NELL1: variants seen among roughly 807,000 people sequenced by gnomAD.
NELL1 encodes neural EGFL like 1.
Under a neutral mutation model 107.4 loss-of-function variants are expected in NELL1, and 76 were observed. The observed-to-expected ratio is 0.71, with a 90% CI of 0.59 to 0.86. The LOEUF is 0.86. NELL1 is among the 40% of genes least tolerant of loss of function. The pLI is 0.00. For missense variants in NELL1, 1,024 were observed against 1,005.5 expected (o/e 1.02, Z -0.25); for synonymous variants, 353 against 341.2 (o/e 1.03, Z -0.38).
chr11:21,129,295 C>T (rs748934004), intron 13 of NELL1, among the ~76,000 whole-genome samples: 41 of 151,742 alleles, frequency 2.7e-4, no homozygotes, highest in Admixed American at 1.5e-3. Context: ...GCACTGTTGG[C>T]GAGCACGTAA....
At chr11:21,414,965 C>G (rs1372942426) in intron 15 of NELL1, among the ~76,000 whole-genome samples, 1 of 151,934 alleles carries the variant, frequency 6.6e-6, no homozygotes, top group African/African-American at 2.4e-5. Flanking sequence ...GATGCACCCC[C>G]CTCCCTCCCA....
chr11:21,025,281 A>G (rs892758079), intron 12 of NELL1, among the ~76,000 whole-genome samples: 1 of 151,894 alleles, frequency 6.6e-6, no homozygotes, highest in Non-Finnish European at 1.5e-5. Context: ...TAGATACGAA[A>G]CTTCACTTAA....
At chr11:21,574,869 G>C in intron 19 of NELL1, 103 bp from the exon 20 acceptor site, 1 of 920,042 alleles carries the variant, frequency 1.1e-6, no homozygotes, top group Non-Finnish European at 1.7e-6. Context: ...CCTTCTTGAA[G>C]TTTGTCTCAA....
chr11:21,548,962 G>T (rs1856510467), intron 16 of NELL1, among the ~76,000 whole-genome samples: 2 of 150,728 alleles, frequency 1.3e-5, no homozygotes, highest in Non-Finnish European at 3.0e-5. Flanking sequence ...GTACTCCATG[G>T]TTTCAGGAAA....
intron 15 of NELL1, among the ~76,000 whole-genome samples, chr11:21,484,336 C>T (rs1854573941): frequency 6.6e-6 from 1 of 151,500 alleles, no homozygotes; most frequent in Non-Finnish European, 1.5e-5. Context: ...TTCTTATATG[C>T]ATCATCTTTT....
At chr11:21,465,912 C>T (rs1227680250) in intron 15 of NELL1, among the ~76,000 whole-genome samples, 1 of 152,058 alleles carries the variant, frequency 6.6e-6, no homozygotes, top group Non-Finnish European at 1.5e-5. Context: ...TCTTATGCGT[C>T]TTCAGCTGGC....
At chr11:21,568,749 C>T (rs1857029820) in intron 17 of NELL1, among the ~76,000 whole-genome samples, 1 of 151,688 alleles carries the variant, frequency 6.6e-6, no homozygotes, top group South Asian at 2.1e-4. Context: ...TCCTCCATGT[C>T]TTGTCCCACT....
intron 2 of NELL1, among the ~76,000 whole-genome samples, chr11:20,737,142 T>C (rs554310377): frequency 2.8e-4 from 42 of 152,240 alleles, no homozygotes; most frequent in African/African-American, 9.9e-4. Context: ...CCTGCTCTTA[T>C]TTTTATTATT....
intron 2 of NELL1, among the ~76,000 whole-genome samples, chr11:20,747,022 C>T (rs1856019623): frequency 6.6e-6 from 1 of 152,156 alleles, no homozygotes; most frequent in Admixed American, 6.6e-5. Context: ...GTCTGCTCCC[C>T]TTTGGCTCAC....
chr11:21,170,413 T>C (rs1215619064), intron 13 of NELL1, among the ~76,000 whole-genome samples: 2 of 151,824 alleles, frequency 1.3e-5, no homozygotes, highest in East Asian at 1.9e-4. Context: ...GAAGACATAA[T>C]TTAAAATCCA....
chr11:21,507,364 C>A (rs1855306651), intron 15 of NELL1, among the ~76,000 whole-genome samples: 1 of 152,310 alleles, frequency 6.6e-6, no homozygotes, highest in Non-Finnish European at 1.5e-5. Context: ...GCAACAAAAG[C>A]TTATTCTTTT....
At position 21,336,748 on chromosome 11, in the gene NELL1, ACTGT is replaced by A. The variant is rs369692211; in HGVS notation, c.1550-34100_1550-34097del. ...TTTGAACTCTTCTTTTTTTAGTTTT[ACTGT>A]CTGTTTTTCACTGCTGTACTCAGTT... On this transcript the variant is annotated intron_variant, in intron 14 of 19. Transcript: ENST00000357134. Among the ~76,000 whole-genome samples, 276 of 150,450 alleles carry A rather than the reference ACTGT, an allele frequency of 1.8e-3. 9 individuals carry two copies. In the South Asian group the frequency reaches 0.054, roughly 29 times the overall value.
intron 4 of NELL1, among the ~76,000 whole-genome samples, chr11:20,877,011 G>T (rs949972289): frequency 6.6e-6 from 1 of 152,186 alleles, no homozygotes; most frequent in Non-Finnish European, 1.5e-5. Context: ...GCTAAGAGGG[G>T]AAAGGGTCTG....
intron 13 of NELL1, among the ~76,000 whole-genome samples, chr11:21,155,878 G>A (rs1014146261): frequency 7.2e-5 from 11 of 152,192 alleles, no homozygotes; most frequent in African/African-American, 2.7e-4. Flanking sequence ...ACCTTTAGGT[G>A]AAGACAAGAT....
rs555637611 is a variant in NELL1, at chr11:21,169,694, A to G, written c.1426+55980A>G. Reference sequence around the variant, plus strand: ...CCATATGTACCTAATGGGACTGTAAATCATAATTCCTTGGTCATCTTTTGG... The same window carrying G: ...CCATATGTACCTAATGGGACTGTAAGTCATAATTCCTTGGTCATCTTTTGG... On this transcript the variant is annotated intron_variant, in intron 13 of 19. Transcript: ENST00000357134. The G allele has an allele frequency of 2.1e-5, 13 of 633,820 alleles. No homozygotes were observed. In the South Asian group the frequency reaches 2.7e-4, roughly 13 times the overall value. 39.3% of individuals were successfully genotyped at this position (633,820 alleles called of 1,614,324 possible).
chr11:21,550,178 T>C (rs1280100496), intron 16 of NELL1, among the ~76,000 whole-genome samples: 1 of 151,962 alleles, frequency 6.6e-6, no homozygotes, highest in Non-Finnish European at 1.5e-5. Flanking sequence ...ATCCTAGTGA[T>C]GTGACCTTGA....
chr11:21,476,257 C>T (rs1854330615), intron 15 of NELL1, among the ~76,000 whole-genome samples: 1 of 152,056 alleles, frequency 6.6e-6, no homozygotes, highest in Non-Finnish European at 1.5e-5. Context: ...TTCTCATTGT[C>T]TTTCTTAACA....
At chr11:21,408,193 T>G (rs1432394377) in intron 15 of NELL1, among the ~76,000 whole-genome samples, 1 of 151,978 alleles carries the variant, frequency 6.6e-6, no homozygotes, top group South Asian at 2.1e-4. Context: ...CACTCCCAAG[T>G]GATTGGAGTT....
chr11:20,699,654 G>A (rs1440035718), intron 2 of NELL1, among the ~76,000 whole-genome samples: 3 of 152,098 alleles, frequency 2.0e-5, no homozygotes, highest in African/African-American at 7.2e-5. Flanking sequence ...CACTGTGCCT[G>A]GCCACACATT....
Sources: allele counts gnomAD v4.1 joint callset (sites outside exome capture counted in the v4.1 genomes callset), GRCh38; gene constraint gnomAD v4.1.1; transcripts MANE v1.5; gene names NCBI Gene and HGNC (gene_info 2026-07-23, HGNC 2026-07-21).